LDHD: variants seen among roughly 807,000 people sequenced by gnomAD.
LDHD encodes the protein D-lactate dehydrogenase, mitochondrial.
Under a neutral mutation model 52.9 loss-of-function variants are expected in LDHD, and 58 were observed. That is an observed-to-expected ratio of 1.10 (90% confidence interval 0.89 to 1.36). LDHD has a LOEUF of 1.36. LDHD is among the 40% of genes most tolerant of loss of function. The pLI, the probability that LDHD is intolerant of heterozygous loss-of-function variation, is 0.00. For synonymous variants in LDHD, 350 were observed against 288.6 expected, an observed-to-expected ratio of 1.21 and a Z score of -2.16; for missense variants, 747 against 668.0, an observed-to-expected ratio of 1.12 and a Z score of -1.30.
rs199941890 is a variant in LDHD, at chr16:75,114,128, C to T, written c.667G>A (p.Val223Met). The change falls in exon 6 of 11, where the codon GTG becomes ATG. Residue 223 changes from valine to methionine, a missense_variant. Coordinates refer to ENST00000450168, the MANE Select transcript of LDHD (RefSeq NM_194436.3). ...AAGYNLTGLF[V>M]GSEGTLGLIT... ...AGGCCCAGCGTCCCCTCGGAGCCCA[C>T]GAAGAGCCCCGTGAGGTTGTAGCCG... The T allele has an allele frequency of 1.9e-6, 3 of 1,612,706 alleles. No homozygotes were observed. The highest frequency in any genetic ancestry group is 2.2e-5 in the East Asian group (1 of 44,862).
rs368426590 is a variant in LDHD at position 75,115,339 on chromosome 16, C to A, written c.186G>T (p.Arg62Ser). The A allele has an allele frequency of 8.0e-5, 129 of 1,613,372 alleles. No homozygotes were observed. Among genetic ancestry groups the A allele is most frequent in the Non-Finnish European group, 9.8e-5 (116 of 1,179,994 alleles). ...EQHGRDESVH[R>S]CEPPDAVVWP... is the part of the protein sequence containing the mutation. Reference sequence around the variant, plus strand: ...ACACCACAGCATCAGGAGGTTCGCACCTAGAACCAGACCCTCAGCGATTTA... The same window carrying A: ...ACACCACAGCATCAGGAGGTTCGCAACTAGAACCAGACCCTCAGCGATTTA... The change falls in exon 3 of 11, where the codon AGG becomes AGT. Residue 62 changes from arginine (R) to serine (S), a missense_variant and splice_region_variant. Coordinates refer to ENST00000450168, the MANE Select transcript of LDHD (RefSeq NM_194436.3).
Position 75,113,557 on chromosome 16 carries a change from A to T in LDHD, c.1064T>A (p.Leu355Gln), listed in dbSNP as rs1356307464. Residue 355 changes from leucine (L) to glutamine (Q), a missense_variant, in exon 8 of 11, where the codon CTG becomes CAG. Leu to Gln is a moderately radical substitution (Grantham distance 113). Coordinates refer to ENST00000450168, the MANE Select transcript of LDHD (RefSeq NM_194436.3). The part of the protein sequence containing the change: ...TARHNAWYAA[L>Q]ATRPGCKGYS... ...CACCTTGCAGCCTGGCCGCGTGGCC[A>T]GGGCTGCGTACCAGGCATTGTGCCG... 5 of 1,611,590 alleles carry T rather than the reference A, an allele frequency of 3.1e-6. No individual in the cohort carries two copies. Among genetic ancestry groups the T allele is most frequent in the Non-Finnish European group, 2.5e-6 (3 of 1,179,092 alleles).
intron 1 of LDHD, 147 bp downstream of exon 1, chr16:75,116,502 G>T (rs1358183822): frequency 1.1e-5 from 7 of 638,280 alleles, no homozygotes; most frequent in South Asian, 3.7e-5. Flanking sequence ...ACCCACAGTT[G>T]CCACAGGGTA....
At position 75,112,284 on chromosome 16, in the gene LDHD, C is replaced by T. The variant is rs368300142; in HGVS notation, c.*72G>A. 60 of 1,502,996 alleles carry T rather than the reference C, an allele frequency of 4.0e-5. No homozygotes were observed. The East Asian group carries it at 4.3e-4, about 11-fold the overall frequency. The allele number at this position is 1,502,996 out of a possible 1,614,324, so 93.1% of individuals were successfully genotyped here. A position where few individuals can be genotyped will look rare whatever the true frequency, so the allele number is the denominator to read the frequency against. Reference sequence around the variant, plus strand: ...TCAGCATCTATTTCCTTGCAGGGGCCGTGGCATGAAGAAAAGTTCCAGAAC... The same window carrying T: ...TCAGCATCTATTTCCTTGCAGGGGCTGTGGCATGAAGAAAAGTTCCAGAAC... On this transcript the variant is annotated 3_prime_UTR_variant, in exon 11 of 11. Coordinates refer to ENST00000450168, the MANE Select transcript of LDHD (RefSeq NM_194436.3).
In LDHD at chr16:75,115,658, T is replaced by C; in HGVS notation, c.75A>G (p.Gly25=). ...CCTCTACGAAGTCCCTGCAGAGCTC[T>C]CCCTGCAGGGAAGAAACACACTGCC... ...WRGYCSQKAK[G]ELCRDFVEAL... The change falls in exon 2 of 11, where the codon GGA becomes GGG. Residue 25 remains glycine, a splice_region_variant and synonymous_variant. Coordinates refer to ENST00000450168, the MANE Select transcript of LDHD (RefSeq NM_194436.3). The C allele has an allele frequency of 6.3e-7, 1 of 1,586,628 alleles. No homozygotes were observed. The highest frequency in any genetic ancestry group is 1.3e-5 in the African/African-American group (1 of 74,418).
intron 5 of LDHD, 153 bp from the exon 6 acceptor site, chr16:75,114,318 C>T: frequency 6.7e-7 from 1 of 1,491,844 alleles, no homozygotes; most frequent in Non-Finnish European, 9.0e-7. Context: ...GTGCTTTCTG[C>T]TCCACAAAGC....
chr16:75,113,464 A>G (rs2145440735), intron 8 of LDHD, 71 bp downstream of exon 8: 1 of 1,514,832 alleles, frequency 6.6e-7, no homozygotes, highest in Non-Finnish European at 8.8e-7. Flanking sequence ...TCTGTGCAGT[A>G]GAGTGGTGGG....
chr16:75,112,285 G>T lies in LDHD; in HGVS notation c.*71C>A. On this transcript the variant is annotated 3_prime_UTR_variant, in exon 11 of 11. Coordinates refer to ENST00000450168, the MANE Select transcript of LDHD (RefSeq NM_194436.3). ...CAGCATCTATTTCCTTGCAGGGGCC[G>T]TGGCATGAAGAAAAGTTCCAGAACC... 1 of 1,509,276 alleles carries T rather than the reference G, an allele frequency of 6.6e-7. No homozygotes were observed. The allele number at this position is 1,509,276 out of a possible 1,614,324, so 93.5% of individuals were successfully genotyped here.
chr16:75,113,999 T>C lies in LDHD; in HGVS notation c.796A>G (p.Ile266Val). 1.2e-6 allele frequency: 2 copies of C among 1,603,152 alleles called. No individual in the cohort carries two copies. The highest frequency in any genetic ancestry group is 1.7e-6 in the Non-Finnish European group (2 of 1,175,148). The change falls in exon 6 of 11, where the codon ATC (isoleucine) becomes GTC (valine). Residue 266 changes from isoleucine (I) to valine (V), a missense_variant. Ile to Val is a conservative substitution (Grantham distance 29). Coordinates refer to ENST00000450168, the MANE Select transcript of LDHD (RefSeq NM_194436.3). Reference protein sequence around the residue: ...VQAAVDSTVHILQAAVPVARI... With the variant: ...VQAAVDSTVHVLQAAVPVARI... Reference sequence around the variant, plus strand: ...GCTACGGGCACTGCAGCCTGGAGGATGTGTACAGTGCTGTCCACAGCAGCC... The same window carrying C: ...GCTACGGGCACTGCAGCCTGGAGGACGTGTACAGTGCTGTCCACAGCAGCC...
At position 75,113,571 on chromosome 16, in the gene LDHD, G is replaced by A; in HGVS notation, c.1050C>T (p.Ala350=). ...GCCGCGTGGCCAGGGCTGCGTACCA[G>A]GCATTGTGCCGTGCTGTCCAAAGCC... is the stretch of plus-strand genomic sequence containing the variant. The part of the protein sequence containing the change: ...RSRLWTARHN[A]WYAALATRPG... The change falls in exon 8 of 11, where the codon GCC becomes GCT. Residue 350 remains alanine, a synonymous_variant. Transcript: ENST00000450168. 6.2e-7 allele frequency: 1 copy of A among 1,613,038 alleles called. No homozygotes were observed.
Position 75,115,570 on chromosome 16 carries a change from C to T in LDHD, c.163G>A (p.Gly55Arg), listed in dbSNP as rs758475011. The T allele has an allele frequency of 9.9e-6, 16 of 1,612,812 alleles. No individual in the cohort carries two copies. Among genetic ancestry groups the T allele is most frequent in the African/African-American group, 2.7e-5 (2 of 74,888 alleles). Residue 55 changes from glycine (G) to arginine (R), a missense_variant, in exon 2 of 11, where the codon GGG becomes AGG. By Grantham distance (125) the Gly-to-Arg change is moderately radical (BLOSUM62 -2). Transcript: ENST00000450168. ...TACCTGTGCACCGACTCATCGCGCC[C>T]GTGCTGCTCTCGGACCACCGCGGCA... Reference protein sequence around the residue: ...STAAVVREQHGRDESVHRCEP... With the variant: ...STAAVVREQHRRDESVHRCEP...
intron 1 of LDHD, among the ~76,000 whole-genome samples, chr16:75,116,354 C>G (rs1039430318): frequency 1.3e-5 from 2 of 152,186 alleles, no homozygotes; most frequent in Non-Finnish European, 2.9e-5. Flanking sequence ...AAGTTAAGGA[C>G]AGAGCCTGGC....
rs750980657 is a variant in LDHD at position 75,113,553 on chromosome 16, G to T, written c.1068C>A (p.Ala356=). ...ARHNAWYAAL[A]TRPGCKGYST... ...AGCTCACCTTGCAGCCTGGCCGCGT[G>T]GCCAGGGCTGCGTACCAGGCATTGT... is the stretch of plus-strand genomic sequence containing the variant. Residue 356 remains alanine, a synonymous_variant, in exon 8 of 11, where the codon GCC becomes GCA. Transcript: ENST00000450168. The T allele has an allele frequency of 6.7e-5, 108 of 1,611,036 alleles. No individual in the cohort carries two copies. The highest frequency in any genetic ancestry group is 8.7e-5 in the Non-Finnish European group (103 of 1,178,880).
intron 8 of LDHD, among the ~76,000 whole-genome samples, chr16:75,113,149 C>G (rs908741584): frequency 2.6e-5 from 4 of 152,138 alleles, no homozygotes; most frequent in African/African-American, 9.7e-5. Context: ...GCTCCCACCC[C>G]CAAGCCCCAG....
In LDHD at chr16:75,116,632, C is replaced by T. The variant is rs2145445358; in HGVS notation, c.72+17G>A. 1 of 1,603,222 alleles carries T rather than the reference C, an allele frequency of 6.2e-7. No homozygotes were observed. On this transcript the variant is annotated intron_variant, in intron 1 of 10. Coordinates refer to ENST00000450168, the MANE Select transcript of LDHD (RefSeq NM_194436.3). The stretch of plus-strand genomic sequence containing the variant: ...CCCACCTCATCCCTCCAGAGGACTT[C>T]TCTTCTCTCCCGGTACCTTTGCCTT...
Position 75,115,562 on chromosome 16 carries a change from A to G in LDHD, c.171T>C (p.Asp57=), listed in dbSNP as rs767361857. ...CCCTCCCATACCTGTGCACCGACTCATCGCGCCCGTGCTGCTCTCGGACCA... is the reference window on the plus strand; with the variant it reads ...CCCTCCCATACCTGTGCACCGACTCGTCGCGCCCGTGCTGCTCTCGGACCA... ...AAVVREQHGR[D]ESVHRCEPPD... is the part of the protein sequence containing the mutation. Residue 57 remains aspartate, a synonymous_variant, in exon 2 of 11, where the codon GAT becomes GAC. Coordinates refer to ENST00000450168, the MANE Select transcript of LDHD (RefSeq NM_194436.3). 6 of 1,612,332 alleles carry G rather than the reference A, an allele frequency of 3.7e-6. No homozygotes were observed. The highest frequency in any genetic ancestry group is 1.6e-4 in the Middle Eastern group (1 of 6,084).
Position 75,113,643 on chromosome 16 carries a change from G to T in LDHD, c.978C>A (p.Asn326Lys), listed in dbSNP as rs145679194. 1.7e-5 allele frequency: 27 copies of T among 1,613,378 alleles called. No individual in the cohort carries two copies. The East Asian group carries it at 6.0e-4, about 36-fold the overall frequency. The change falls in exon 8 of 11, where the codon AAC becomes AAA. Residue 326 changes from asparagine (N) to lysine (K), a missense_variant. By Grantham distance (94) the Asn-to-Lys change is moderately conservative. Transcript: ENST00000450168. ...LQRTEEIVQQ[N>K]GASDFSWAKE... Reference sequence around the variant, plus strand: ...TGGCCCAGGAGAAGTCAGAGGCTCCGTTCTGCTGGACTATCTCCTCTGCAG... The same window carrying T: ...TGGCCCAGGAGAAGTCAGAGGCTCCTTTCTGCTGGACTATCTCCTCTGCAG...
At position 75,115,604 on chromosome 16, in the gene LDHD, G is replaced by T; in HGVS notation, c.129C>A (p.His43Gln). 4 of 1,612,700 alleles carry T rather than the reference G, an allele frequency of 2.5e-6. No homozygotes were observed. Among genetic ancestry groups the T allele is most frequent in the South Asian group, 1.1e-5 (1 of 91,044 alleles). The change falls in exon 2 of 11, where the codon CAC becomes CAA. Residue 43 changes from histidine to glutamine, a missense_variant. Coordinates refer to ENST00000450168, the MANE Select transcript of LDHD (RefSeq NM_194436.3). The stretch of plus-strand genomic sequence containing the variant: ...CTCGGACCACCGCGGCAGTGGACAC[G>T]TGGGAGCCGCCCACCACGGCCTTCA... The part of the protein sequence containing the change: ...EALKAVVGGS[H>Q]VSTAAVVREQ...
chr16:75,115,660 C>G lies in LDHD; in HGVS notation c.73G>C (p.Gly25Arg), dbSNP rs757716859. The change falls in exon 2 of 11, where the codon GGA (glycine) becomes CGA (arginine). Residue 25 changes from glycine to arginine, a missense_variant and splice_region_variant. Transcript: ENST00000450168. ...TCTACGAAGTCCCTGCAGAGCTCTCCCTGCAGGGAAGAAACACACTGCCAG... is the reference window on the plus strand; with the variant it reads ...TCTACGAAGTCCCTGCAGAGCTCTCGCTGCAGGGAAGAAACACACTGCCAG... ...WRGYCSQKAK[G>R]ELCRDFVEAL... The G allele has an allele frequency of 1.0e-5, 16 of 1,583,144 alleles. No homozygotes were observed. Among genetic ancestry groups the G allele is most frequent in the Non-Finnish European group, 1.3e-5 (15 of 1,157,822 alleles).
Sources: allele counts gnomAD v4.1 joint callset (sites outside exome capture counted in the v4.1 genomes callset), GRCh38; gene constraint gnomAD v4.1.1; transcripts MANE v1.5; gene names NCBI Gene and HGNC (gene_info 2026-07-23, HGNC 2026-07-21).